The following CPNE4 variants were observed in gnomAD, a reference collection of about 807,000 sequenced individuals.
CPNE4 encodes copine 4.
CPNE4 carries 25 observed loss-of-function variants against 67.9 expected under a neutral mutation model. The observed-to-expected ratio is 0.37, with a 90% confidence interval of 0.27 to 0.51. The LOEUF is 0.51. CPNE4 is among the 20% of genes least tolerant of loss of function. The pLI, the probability that CPNE4 is intolerant of heterozygous loss-of-function variation, is 0.93. For synonymous variants in CPNE4, 242 were observed against 244.9 expected (o/e 0.99, Z 0.11); for missense variants, 464 against 690.8 (o/e 0.67, Z 3.68).
At chr3:131,857,646 C>T (rs1377006449) in intron 2 of CPNE4, among the ~76,000 whole-genome samples, 1 of 152,026 alleles carries the variant, frequency 6.6e-6, no homozygotes, top group African/African-American at 2.4e-5. Flanking sequence ...TGCTGGTTGG[C>T]TCCAGGATGG....
intron 3 of CPNE4, among the ~76,000 whole-genome samples, chr3:131,701,363 C>T (rs2107705624): frequency 6.6e-6 from 1 of 152,282 alleles, no homozygotes; most frequent in Admixed American, 6.5e-5. Flanking sequence ...TCATAATATT[C>T]ATGCTATTGT....
chr3:131,703,831 A>G (rs1044871449), intron 3 of CPNE4, among the ~76,000 whole-genome samples: 2 of 152,232 alleles, frequency 1.3e-5, no homozygotes, highest in African/African-American at 4.8e-5. Context: ...AACAGATTAA[A>G]AACATCTTAC....
chr3:131,851,367 G>A (rs2086236453), intron 2 of CPNE4, among the ~76,000 whole-genome samples: 1 of 152,008 alleles, frequency 6.6e-6, no homozygotes, highest in Non-Finnish European at 1.5e-5. Flanking sequence ...TATTCTATGA[G>A]CTTAGCACCA....
intron 1 of CPNE4, among the ~76,000 whole-genome samples, chr3:131,911,543 TTGTGTGTGTGTGTGTGTG>T (rs3041573): frequency 6.4e-4 from 94 of 146,064 alleles, no homozygotes; most frequent in African/African-American, 1.3e-3. Context: ...GCACTCCAAG[TTGTGTGTGTGTGTGTGTG>T]TGTGTGTGTG....
intron 5 of CPNE4, among the ~76,000 whole-genome samples, chr3:131,693,928 C>A (rs976396165): frequency 3.3e-5 from 5 of 152,068 alleles, no homozygotes; most frequent in African/African-American, 1.2e-4. Flanking sequence ...TGAGTGTGTG[C>A]CTGTGTGGCT....
rs555581432 is a variant in CPNE4 at position 131,791,273 on chromosome 3, G to A, written c.181-67648C>T. On this transcript the variant is annotated intron_variant, in intron 2 of 15. Coordinates refer to ENST00000429747, the MANE Select transcript of CPNE4 (RefSeq NM_130808.3). ...ATAAATTGACATGAATGGAAGTTTT[G>A]TAATAGCCTTGTCACTCTTTTTTTT... 5.3e-5 allele frequency among the ~76,000 whole-genome samples: 8 copies of A among 152,228 alleles called. No individual in the cohort carries two copies. In the South Asian group the frequency reaches 1.7e-3, roughly 32 times the overall value.
chr3:132,003,869 G>A (rs1221545668), intron 1 of CPNE4, among the ~76,000 whole-genome samples: 3 of 152,102 alleles, frequency 2.0e-5, no homozygotes, highest in African/African-American at 7.2e-5. Flanking sequence ...CATGGAAGCT[G>A]AGATGCTGAA....
chr3:131,784,367 T>C (rs2083499769), intron 2 of CPNE4, among the ~76,000 whole-genome samples: 1 of 152,104 alleles, frequency 6.6e-6, no homozygotes, highest in Non-Finnish European at 1.5e-5. Context: ...GAATAATTTA[T>C]AGCACCCTCA....
chr3:131,945,088 C>A (rs371627739), intron 1 of CPNE4, among the ~76,000 whole-genome samples: 1 of 152,116 alleles, frequency 6.6e-6, no homozygotes, highest in African/African-American at 2.4e-5. Flanking sequence ...AGCCATGTGG[C>A]CTTCAGGAAG....
intron 1 of CPNE4, among the ~76,000 whole-genome samples, chr3:132,020,653 A>G (rs774512864): frequency 5.6e-4 from 85 of 152,128 alleles, no homozygotes; most frequent in Non-Finnish European, 2.2e-4. Context: ...GATGATCACC[A>G]TCATCTCCAC....
chr3:131,669,912 T>C, intron 6 of CPNE4, 148 bp from the exon 7 acceptor site: 1 of 652,510 alleles, frequency 1.5e-6, no homozygotes, highest in Non-Finnish European at 2.7e-6. Context: ...CTTGATGTAG[T>C]AAATCTTTTA....
chr3:131,867,388 A>T (rs897817399), intron 2 of CPNE4, among the ~76,000 whole-genome samples: 1 of 152,210 alleles, frequency 6.6e-6, no homozygotes, highest in South Asian at 2.1e-4. Flanking sequence ...GATTTTAAGA[A>T]TTAGATAAGA....
At chr3:131,965,641 A>T (rs1287480957) in intron 1 of CPNE4, among the ~76,000 whole-genome samples, 1 of 152,214 alleles carries the variant, frequency 6.6e-6, no homozygotes. Flanking sequence ...GCATTACATA[A>T]TGGTAAAGGG....
intron 3 of CPNE4, among the ~76,000 whole-genome samples, chr3:131,716,666 C>T (rs2081696518): frequency 6.6e-6 from 1 of 152,236 alleles, no homozygotes; most frequent in Non-Finnish European, 1.5e-5. Flanking sequence ...GTAATAACAG[C>T]TTCCCCATCC....
intron 2 of CPNE4, among the ~76,000 whole-genome samples, chr3:131,847,436 T>C (rs944626618): frequency 2.4e-4 from 36 of 152,194 alleles, no homozygotes; most frequent in Non-Finnish European, 4.4e-4. Flanking sequence ...GCATATATGA[T>C]TAAGCATAAA....
chr3:131,617,205 A>C (rs1940201547), intron 7 of CPNE4, among the ~76,000 whole-genome samples: 1 of 152,246 alleles, frequency 6.6e-6, no homozygotes, highest in East Asian at 1.9e-4. Context: ...TTTAAGGATC[A>C]GAAAACTAAG....
In CPNE4 at chr3:131,706,829, T is replaced by G. The variant is rs566908518; in HGVS notation, c.361-6849A>C. Among the ~76,000 whole-genome samples the G allele has an allele frequency of 2.0e-5, 3 of 152,310 alleles. No individual in the cohort carries two copies. The South Asian group carries it at 6.2e-4, about 32-fold the overall frequency. On this transcript the variant is annotated intron_variant, in intron 3 of 15. Coordinates refer to ENST00000429747, the MANE Select transcript of CPNE4 (RefSeq NM_130808.3). ...TGATTCCAAGTCTTTAGACAATAAC[T>G]TAACTGTTTCAACCCACTGCCAACC...
intron 15 of CPNE4, among the ~76,000 whole-genome samples, chr3:131,541,070 G>A (rs1296178401): frequency 6.6e-6 from 1 of 152,170 alleles, no homozygotes; most frequent in Admixed American, 6.5e-5. Flanking sequence ...CAGAGGGCAA[G>A]GCCTCAGTGG....
chr3:131,790,267 T>C (rs1267505488), intron 2 of CPNE4, among the ~76,000 whole-genome samples: 1 of 152,152 alleles, frequency 6.6e-6, no homozygotes, highest in African/African-American at 2.4e-5. Context: ...ACTCCTGTGC[T>C]CACAAAGCAG....
Sources: gnomAD v4.1 joint callset for allele counts (sites outside exome capture counted in the v4.1 genomes callset) on GRCh38, gnomAD v4.1.1 for gene constraint, MANE v1.5 for transcripts, NCBI Gene and HGNC (gene_info 2026-07-23, HGNC 2026-07-21) for gene names.